The following MAPK10 variants were observed in gnomAD, a reference collection of about 807,000 sequenced individuals.
The protein encoded by MAPK10 is JNK3 alpha protein kinase.
In MAPK10, 25 loss-of-function variants were observed where a neutral mutation model predicts 59.3. That is an observed-to-expected ratio of 0.42 (90% CI 0.31 to 0.59). The LOEUF (loss-of-function observed/expected upper bound fraction) is 0.59. Ranked by LOEUF, MAPK10 falls within the 20% of genes least tolerant of loss-of-function variation. The pLI, the probability that MAPK10 is intolerant of heterozygous loss-of-function variation, is 0.15. For synonymous variants in MAPK10, 190 were observed against 200.5 expected (o/e 0.95, Z 0.44); for missense variants, 351 against 568.9 (o/e 0.62, Z 3.90).
At chr4:86,261,548 T>C (rs1161580740) in intron 2 of MAPK10, among the ~76,000 whole-genome samples, 2 of 152,220 alleles carry the variant, frequency 1.3e-5, no homozygotes, top group African/African-American at 2.4e-5. Flanking sequence ...ATCTATTCCC[T>C]TGACAACCTG....
At chr4:86,069,999 T>C (rs1422197674) in intron 9 of MAPK10, among the ~76,000 whole-genome samples, 1 of 152,218 alleles carries the variant, frequency 6.6e-6, no homozygotes, top group Non-Finnish European at 1.5e-5. Context: ...ATGTTTCTTG[T>C]AATAAATCAT....
At chr4:86,522,632 T>C (rs1486011455) in intron 1 of MAPK10, among the ~76,000 whole-genome samples, 1 of 152,238 alleles carries the variant, frequency 6.6e-6, no homozygotes, top group East Asian at 1.9e-4. Flanking sequence ...TCGTTGGTTC[T>C]GGTTCTTTTT....
At chr4:86,206,295 G>C (rs1420723562) in intron 2 of MAPK10, among the ~76,000 whole-genome samples, 1 of 151,726 alleles carries the variant, frequency 6.6e-6, no homozygotes, top group Non-Finnish European at 1.5e-5. Context: ...AATATGCGGT[G>C]TTTGGTTTTT....
intron 1 of MAPK10, among the ~76,000 whole-genome samples, chr4:86,411,766 A>G (rs984408554): frequency 6.6e-6 from 1 of 152,134 alleles, no homozygotes; most frequent in Non-Finnish European, 1.5e-5. Context: ...ATTTTCCTCC[A>G]TCCCTTTATT....
chr4:86,556,182 T>C (rs555767267), intron 1 of MAPK10, among the ~76,000 whole-genome samples: 2 of 152,336 alleles, frequency 1.3e-5, no homozygotes, highest in South Asian at 4.1e-4. Flanking sequence ...CAATGTAATA[T>C]ATGTTTTTAA....
At chr4:86,573,738 T>G (rs1406000933) in intron 1 of MAPK10, among the ~76,000 whole-genome samples, 1 of 152,190 alleles carries the variant, frequency 6.6e-6, no homozygotes, top group Admixed American at 6.5e-5. Flanking sequence ...CTCCACTTAT[T>G]AAGTTTTCTC....
At chr4:86,199,881 T>C (rs542295392) in intron 2 of MAPK10, among the ~76,000 whole-genome samples, 2 of 152,054 alleles carry the variant, frequency 1.3e-5, no homozygotes, top group African/African-American at 4.8e-5. Context: ...TAATAGGAAA[T>C]ACTCTTGAGG....
intron 2 of MAPK10, among the ~76,000 whole-genome samples, chr4:86,316,174 A>G (rs1490607726): frequency 6.6e-6 from 1 of 152,186 alleles, no homozygotes; most frequent in Non-Finnish European, 1.5e-5. Flanking sequence ...TACACCATAC[A>G]ACAAAGAAAA....
intron 1 of MAPK10, among the ~76,000 whole-genome samples, chr4:86,376,422 A>G (rs1229253957): frequency 6.6e-6 from 1 of 152,218 alleles, no homozygotes; most frequent in Non-Finnish European, 1.5e-5. Context: ...GTTTCCTAAA[A>G]TCTGGAGACT....
chr4:86,274,543 T>G (rs1256633672), intron 2 of MAPK10, among the ~76,000 whole-genome samples: 9 of 151,932 alleles, frequency 5.9e-5, no homozygotes, highest in Admixed American at 5.9e-4. Context: ...TCCTTTCCTA[T>G]CTTGCTTTTC....
chr4:86,385,023 A>G (rs1741281648), intron 1 of MAPK10, among the ~76,000 whole-genome samples: 1 of 152,142 alleles, frequency 6.6e-6, no homozygotes, highest in Admixed American at 6.6e-5. Context: ...GTTTTCTTAT[A>G]TATATAATGC....
intron 1 of MAPK10, among the ~76,000 whole-genome samples, chr4:86,540,680 G>T (rs112976378): frequency 4.6e-5 from 7 of 152,268 alleles, no homozygotes; most frequent in African/African-American, 1.2e-4. Flanking sequence ...CAAGGAAGAA[G>T]AATAATTCCC....
At chr4:86,075,169 C>T (rs974420486) in intron 9 of MAPK10, among the ~76,000 whole-genome samples, 1 of 152,310 alleles carries the variant, frequency 6.6e-6, no homozygotes, top group South Asian at 2.1e-4. Flanking sequence ...GATACCCTTT[C>T]TTCCAGTTGA....
chr4:86,098,349 T>C, intron 9 of MAPK10, 175 bp downstream of exon 9: 1 of 709,218 alleles, frequency 1.4e-6, no homozygotes. Context: ...AAGAAATCAT[T>C]GTGGTAGGCA....
At chr4:86,021,899 G>A (rs1421780310) in intron 13 of MAPK10, among the ~76,000 whole-genome samples, 3 of 152,352 alleles carry the variant, frequency 2.0e-5, no homozygotes, top group East Asian at 1.9e-4. Flanking sequence ...TGGCTGTCCC[G>A]AGTGCGGGGG....
intron 1 of MAPK10, among the ~76,000 whole-genome samples, chr4:86,585,250 C>G (rs1302169364): frequency 5.3e-5 from 8 of 152,142 alleles, no homozygotes; most frequent in Admixed American, 4.6e-4. Context: ...GTAGTAATCT[C>G]TCTTCATTTT....
chr4:86,289,142 G>A (rs958654279), intron 2 of MAPK10, among the ~76,000 whole-genome samples: 10 of 152,146 alleles, frequency 6.6e-5, no homozygotes, highest in African/African-American at 2.4e-4. Context: ...TGGATAAAGT[G>A]AAGGAGCGTT....
intron 1 of MAPK10, among the ~76,000 whole-genome samples, chr4:86,502,594 A>G (rs1248170134): frequency 1.3e-5 from 2 of 152,182 alleles, no homozygotes; most frequent in East Asian, 1.9e-4. Flanking sequence ...GTGATTGACC[A>G]AACAAAAAGT....
intron 1 of MAPK10, among the ~76,000 whole-genome samples, chr4:86,485,919 C>A (rs1403633039): frequency 6.6e-6 from 1 of 152,178 alleles, no homozygotes; most frequent in Admixed American, 6.5e-5. Flanking sequence ...ACCAACCCTC[C>A]TGGCACCTTT....
Sources: gnomAD v4.1 joint callset for allele counts (sites outside exome capture counted in the v4.1 genomes callset) on GRCh38, gnomAD v4.1.1 for gene constraint, MANE v1.5 for transcripts, NCBI Gene and HGNC (gene_info 2026-07-23, HGNC 2026-07-21) for gene names.